Variants in EFHC1 observed in about 807,000 individuals in gnomAD.
EFHC1 encodes EF-hand domain containing 1.
A neutral mutation model predicts 69.9 loss-of-function variants in EFHC1; 53 were observed. The ratio of observed to expected loss-of-function variants is 0.76; its 90% CI spans 0.61 to 0.95. The LOEUF (loss-of-function observed/expected upper bound fraction) is 0.95. EFHC1 is among the 40% of genes least tolerant of loss of function. The pLI is 0.00. For missense variants in EFHC1, 739 were observed against 798.7 expected, an observed-to-expected ratio of 0.93 and a Z score of 0.90; for synonymous variants, 256 against 278.4, an observed-to-expected ratio of 0.92 and a Z score of 0.80.
chr6:52,422,430 AC>A (rs921932270), intron 1 of EFHC1, among the ~76,000 whole-genome samples: 1 of 152,200 alleles, frequency 6.6e-6, no homozygotes, highest in Non-Finnish European at 1.5e-5. Context: ...GACTCTGAAT[AC>A]ATGACCTTTA....
At chr6:52,433,714 G>A (rs1350435749) in intron 2 of EFHC1, among the ~76,000 whole-genome samples, 3 of 152,198 alleles carry the variant, frequency 2.0e-5, no homozygotes, top group Non-Finnish European at 4.4e-5. Context: ...GGGGGAACAG[G>A]CAGTGGGTGG....
intron 2 of EFHC1, among the ~76,000 whole-genome samples, chr6:52,429,278 C>G (rs535501755): frequency 2.0e-5 from 3 of 152,268 alleles, no homozygotes; most frequent in East Asian, 3.9e-4. Context: ...AAGCCAATGT[C>G]TAGAAGAGGT....
chr6:52,437,119 T>C (rs1414014836), intron 2 of EFHC1, among the ~76,000 whole-genome samples: 1 of 152,188 alleles, frequency 6.6e-6, no homozygotes, highest in Non-Finnish European at 1.5e-5. Context: ...TGAGGGTATG[T>C]ACACACCCTT....
At chr6:52,477,479 T>C (rs1045644174) in intron 7 of EFHC1, among the ~76,000 whole-genome samples, 1 of 152,186 alleles carries the variant, frequency 6.6e-6, no homozygotes, top group Non-Finnish European at 1.5e-5. Context: ...AATTTCTTCC[T>C]TAGGGGTTGT....
rs1562453181 is a variant in EFHC1 at position 52,454,120 on chromosome 6, A to G, written c.749A>G (p.Asp250Gly). The G allele has an allele frequency of 6.2e-7, 1 of 1,613,716 alleles. No homozygotes were observed. The highest frequency in any genetic ancestry group is 1.3e-5 in the African/African-American group (1 of 74,856). ...KQVLRFYAIWDDTDSMYGECR... is the reference protein window; with the variant it reads ...KQVLRFYAIWGDTDSMYGECR... Reference sequence around the variant, plus strand: ...GTCCTTCGATTCTATGCAATCTGGGATGATACAGACAGCATGTATGGTGAA... The same window carrying G: ...GTCCTTCGATTCTATGCAATCTGGGGTGATACAGACAGCATGTATGGTGAA... Residue 250 changes from aspartate (D) to glycine (G), a missense_variant, in exon 5 of 11, where the codon GAT (aspartate) becomes GGT (glycine). Transcript: ENST00000371068.
intron 6 of EFHC1, among the ~76,000 whole-genome samples, chr6:52,467,680 A>T (rs984302370): frequency 6.6e-6 from 1 of 152,198 alleles, no homozygotes; most frequent in African/African-American, 2.4e-5. Context: ...GCCCTTTTGT[A>T]TAATAAAACT....
At position 52,494,034 on chromosome 6, in the gene EFHC1, C is replaced by A. The variant is rs1213016941; in HGVS notation, c.*1693C>A. On this transcript the variant is annotated 3_prime_UTR_variant, in exon 11 of 11. Coordinates refer to ENST00000371068, the MANE Select transcript of EFHC1 (RefSeq NM_018100.4). ...TTCCAGGTTATTATCTTGGGAATAA[C>A]CCATGTTTTGTTTTGTTTTACCCTC... The A allele has an allele frequency of 4.4e-6, 2 of 453,860 alleles. No homozygotes were observed. The highest frequency in any genetic ancestry group is 7.0e-5 in the East Asian group (1 of 14,378). 28.1% of individuals were successfully genotyped at this position (453,860 alleles called of 1,614,324 possible). A position where few individuals can be genotyped will look rare whatever the true frequency, so the allele number is the denominator to read the frequency against.
intron 3 of EFHC1, among the ~76,000 whole-genome samples, chr6:52,444,578 T>A (rs1417282197): frequency 1.3e-5 from 2 of 152,220 alleles, no homozygotes; most frequent in African/African-American, 2.4e-5. Flanking sequence ...TCCGTTTATA[T>A]GATGGATTCC....
In EFHC1 at chr6:52,478,348, T is replaced by C. The variant is rs958967805; in HGVS notation, c.1279-689T>C. Among the ~76,000 whole-genome samples the C allele has an allele frequency of 7.8e-4, 118 of 151,942 alleles. 2 individuals carry two copies. The highest frequency in any genetic ancestry group is 6.8e-3 in the Middle Eastern group (2 of 294). ...CTAGATGACGAGTTAGTGGGTGCAGTGCACCAGCATGGCACATGTATACAT... is the reference window on the plus strand; with the variant it reads ...CTAGATGACGAGTTAGTGGGTGCAGCGCACCAGCATGGCACATGTATACAT... On this transcript the variant is annotated intron_variant, in intron 7 of 10. Transcript: ENST00000371068.
chr6:52,466,275 C>T (rs983246762), intron 6 of EFHC1, among the ~76,000 whole-genome samples: 1 of 152,188 alleles, frequency 6.6e-6, no homozygotes, highest in African/African-American at 2.4e-5. Context: ...TCCCTTCCAG[C>T]GGCTGCTCCT....
rs1479108099 is a variant in EFHC1 at position 52,492,771 on chromosome 6, T to G, written c.*430T>G. 2 of 441,392 alleles carry G rather than the reference T, an allele frequency of 4.5e-6. No individual in the cohort carries two copies. Among genetic ancestry groups the G allele is most frequent in the African/African-American group, 4.0e-5 (2 of 49,430 alleles). The allele number at this position is 441,392 out of a possible 1,614,324, so 27.3% of individuals were successfully genotyped here. A position where few individuals can be genotyped will look rare whatever the true frequency, so the allele number is the denominator to read the frequency against. ...CTGGGACAACAGGCTCAAGCCACCA[T>G]GCCCAGCTAATTTTTAAAATTATTT... On this transcript the variant is annotated 3_prime_UTR_variant, in exon 11 of 11. Transcript: ENST00000371068.
rs1291066182 is a variant in EFHC1 at position 52,493,922 on chromosome 6, C to G, written c.*1581C>G. 2.2e-6 allele frequency: 1 copy of G among 454,082 alleles called. No homozygotes were observed. The allele number at this position is 454,082 out of a possible 1,614,324, so 28.1% of individuals were successfully genotyped here. A position where few individuals can be genotyped will look rare whatever the true frequency, so the allele number is the denominator to read the frequency against. On this transcript the variant is annotated 3_prime_UTR_variant, in exon 11 of 11. Transcript: ENST00000371068. ...CTCTCAGAACTTCTAGGGAACTTCC[C>G]TTGGTGTTTCCTTCCCTAACGAGCT...
chr6:52,429,360 G>A (rs1764369523), intron 2 of EFHC1, among the ~76,000 whole-genome samples: 2 of 152,090 alleles, frequency 1.3e-5, no homozygotes, highest in African/African-American at 2.4e-5. Context: ...ATCTTGAGTT[G>A]ATTTTTATAT....
chr6:52,448,056 A>G (rs1764826103), intron 3 of EFHC1, among the ~76,000 whole-genome samples: 1 of 152,202 alleles, frequency 6.6e-6, no homozygotes, highest in African/African-American at 2.4e-5. Flanking sequence ...CCGTTCTCAG[A>G]TCTCAAACTT....
intron 3 of EFHC1, among the ~76,000 whole-genome samples, chr6:52,439,467 A>C (rs551659590): frequency 2.4e-4 from 37 of 152,138 alleles, no homozygotes; most frequent in Non-Finnish European, 5.1e-4. Context: ...TCAGGAAGGT[A>C]CTTGATATTT....
chr6:52,479,994 C>A, intron 9 of EFHC1: 1 of 798,900 alleles, frequency 1.3e-6, no homozygotes, highest in Non-Finnish European at 2.0e-6. Flanking sequence ...ATACAGTTGA[C>A]CCTTGAACAA....
At chr6:52,452,954 G>T (rs765657897) in intron 4 of EFHC1, 117 bp downstream of exon 4, 23 of 1,594,286 alleles carry the variant, frequency 1.4e-5, no homozygotes, top group Admixed American at 6.8e-5. Context: ...AGCTATAATT[G>T]AACTGTTTGG....
At chr6:52,478,415 TAAACTA>T (rs1581846391) in intron 7 of EFHC1, among the ~76,000 whole-genome samples, 1 of 152,100 alleles carries the variant, frequency 6.6e-6, no homozygotes, top group Non-Finnish European at 1.5e-5. Flanking sequence ...CCCTAAAACT[TAAACTA>T]TAATAAAAAA....
At chr6:52,465,261 G>A in intron 6 of EFHC1, 146 bp downstream of exon 6, 1 of 712,054 alleles carries the variant, frequency 1.4e-6, no homozygotes, top group South Asian at 1.8e-5. Context: ...AAATACAAAT[G>A]ACAAAAAAAT....
Sources: allele counts gnomAD v4.1 joint callset (sites outside exome capture counted in the v4.1 genomes callset), GRCh38; gene constraint gnomAD v4.1.1; transcripts MANE v1.5; gene names NCBI Gene and HGNC (gene_info 2026-07-23, HGNC 2026-07-21).